ITGA9: variants seen among roughly 807,000 people sequenced by gnomAD.
ITGA9 encodes the protein integrin alpha-9.
A neutral mutation model predicts 127.8 loss-of-function variants in ITGA9; 56 were observed. The observed-to-expected ratio is 0.44, with a 90% confidence interval of 0.35 to 0.55. The LOEUF is 0.55. Among genes scored for constraint, ITGA9 ranks in the 20% least tolerant of loss-of-function variants. ITGA9 has a pLI of 0.00. For missense variants in ITGA9, 1,196 were observed against 1,347.1 expected (o/e 0.89, Z 1.76); for synonymous variants, 508 against 514.5 (o/e 0.99, Z 0.17).
chr3:37,729,415 C>T (rs1459919155), intron 18 of ITGA9, among the ~76,000 whole-genome samples: 1 of 152,112 alleles, frequency 6.6e-6, no homozygotes, highest in Non-Finnish European at 1.5e-5. Context: ...GGCCTGTCCT[C>T]ACCAAGATCC....
At chr3:37,558,288 T>C (rs1699450254) in intron 15 of ITGA9, among the ~76,000 whole-genome samples, 1 of 152,188 alleles carries the variant, frequency 6.6e-6, no homozygotes, top group South Asian at 2.1e-4. Flanking sequence ...GGTCCATGCC[T>C]TCAGCCCACC....
chr3:37,744,409 T>C (rs1292412158), intron 22 of ITGA9, among the ~76,000 whole-genome samples: 2 of 152,214 alleles, frequency 1.3e-5, no homozygotes, highest in Non-Finnish European at 2.9e-5. Flanking sequence ...ATTTGCTGTG[T>C]CCCTTCCTCC....
In ITGA9 at chr3:37,561,757, C is replaced by T. The variant is rs538939068; in HGVS notation, c.1689+19172C>T. Among the ~76,000 whole-genome samples the T allele has an allele frequency of 2.6e-5, 4 of 152,238 alleles. No homozygotes were observed. The South Asian group carries it at 6.2e-4, about 24-fold the overall frequency. Reference sequence around the variant, plus strand: ...GACCTTGTGCTGATCAAACTTTCCGCGTGGCTTTTTATGACACTGTAACAA... The same window carrying T: ...GACCTTGTGCTGATCAAACTTTCCGTGTGGCTTTTTATGACACTGTAACAA... On this transcript the variant is annotated intron_variant, in intron 15 of 27. Coordinates refer to ENST00000264741, the MANE Select transcript of ITGA9 (RefSeq NM_002207.3).
Position 37,510,688 on chromosome 3 carries a change from C to G in ITGA9, c.897+2061C>G, listed in dbSNP as rs144462257. 4.3e-3 allele frequency among the ~76,000 whole-genome samples: 660 copies of G among 152,302 alleles called. 7 individuals carry two copies. Among genetic ancestry groups the G allele is most frequent in the South Asian group, 0.011 (51 of 4,820 alleles). On this transcript the variant is annotated intron_variant, in intron 8 of 27. Coordinates refer to ENST00000264741, the MANE Select transcript of ITGA9 (RefSeq NM_002207.3). Reference sequence around the variant, plus strand: ...TGGATGTCCTTATCATACCAAGATACATCAGGTTCCCTGAGAAGGGACAGA... The same window carrying G: ...TGGATGTCCTTATCATACCAAGATAGATCAGGTTCCCTGAGAAGGGACAGA...
At chr3:37,589,872 G>A (rs1376307775) in intron 15 of ITGA9, among the ~76,000 whole-genome samples, 3 of 152,038 alleles carry the variant, frequency 2.0e-5, no homozygotes, top group Admixed American at 1.3e-4. Flanking sequence ...TGCAAAGTAC[G>A]GAGGGGACAA....
intron 23 of ITGA9, among the ~76,000 whole-genome samples, chr3:37,776,029 C>T (rs1478537916): frequency 1.3e-5 from 2 of 152,136 alleles, no homozygotes; most frequent in Non-Finnish European, 2.9e-5. Context: ...ATGCCCTTTG[C>T]AGGAACATGG....
chr3:37,555,531 AT>A (rs1288186022), intron 15 of ITGA9, among the ~76,000 whole-genome samples: 1 of 152,214 alleles, frequency 6.6e-6, no homozygotes, highest in African/African-American at 2.4e-5. Context: ...TTGAAGTTTG[AT>A]TTTTAAGAAG....
At chr3:37,756,152 A>AGG (rs554569494) in intron 23 of ITGA9, among the ~76,000 whole-genome samples, 189 of 128,852 alleles carry the variant, frequency 1.5e-3, no homozygotes, top group Non-Finnish European at 2.3e-3. Context: ...CCAGAATGTA[A>AGG]GGCATTCAAA....
intron 23 of ITGA9, among the ~76,000 whole-genome samples, chr3:37,759,335 A>G (rs1696695727): frequency 6.6e-6 from 1 of 152,120 alleles, no homozygotes; most frequent in African/African-American, 2.4e-5. Context: ...CACTGTATAT[A>G]TCATATATAT....
intron 23 of ITGA9, among the ~76,000 whole-genome samples, chr3:37,758,525 G>C (rs1228412998): frequency 6.6e-6 from 1 of 150,676 alleles, no homozygotes; most frequent in African/African-American, 2.5e-5. Context: ...CTTGATAAGG[G>C]TTTCTAAAAA....
intron 1 of ITGA9, among the ~76,000 whole-genome samples, chr3:37,454,543 C>A (rs1698236189): frequency 6.6e-6 from 1 of 152,082 alleles, no homozygotes; most frequent in East Asian, 1.9e-4. Context: ...CCATGGGAAC[C>A]CATGTGTCTG....
intron 22 of ITGA9, among the ~76,000 whole-genome samples, chr3:37,747,147 A>G (rs1696510793): frequency 6.6e-6 from 1 of 152,242 alleles, no homozygotes; most frequent in East Asian, 1.9e-4. Context: ...ATATGATTAC[A>G]TACCTTAAAG....
chr3:37,748,692 G>A (rs1306798273), intron 22 of ITGA9: 2 of 538,482 alleles, frequency 3.7e-6, no homozygotes, highest in Non-Finnish European at 6.6e-6. Flanking sequence ...AAGTTGCAGT[G>A]AGCCGAGGTT....
At chr3:37,766,462 G>A (rs1696781384) in intron 23 of ITGA9, among the ~76,000 whole-genome samples, 1 of 152,230 alleles carries the variant, frequency 6.6e-6, no homozygotes, top group African/African-American at 2.4e-5. Flanking sequence ...AGCAGTGGAA[G>A]AGGTTAGATA....
intron 4 of ITGA9, among the ~76,000 whole-genome samples, chr3:37,490,856 T>C (rs1339578246): frequency 2.0e-5 from 3 of 152,106 alleles, no homozygotes; most frequent in East Asian, 3.9e-4. Flanking sequence ...GCAGGCCAAG[T>C]AATTCAAACC....
intron 18 of ITGA9, among the ~76,000 whole-genome samples, chr3:37,709,408 A>G (rs1352151229): frequency 6.6e-6 from 1 of 152,204 alleles, no homozygotes; most frequent in African/African-American, 2.4e-5. Flanking sequence ...AAGTGTCCCA[A>G]GGCCAACCCT....
intron 1 of ITGA9, among the ~76,000 whole-genome samples, chr3:37,468,941 C>T (rs560503159): frequency 1.3e-5 from 2 of 152,362 alleles, no homozygotes; most frequent in East Asian, 1.9e-4. Flanking sequence ...TTTGAAGTCT[C>T]ATTGTCCAAG....
intron 15 of ITGA9, among the ~76,000 whole-genome samples, chr3:37,566,611 C>T (rs575880466): frequency 6.6e-6 from 1 of 152,308 alleles, no homozygotes; most frequent in Non-Finnish European, 1.5e-5. Context: ...GGGATAAGTG[C>T]TGGGGCTCCT....
intron 26 of ITGA9, chr3:37,790,636 T>G: frequency 4.6e-6 from 1 of 215,982 alleles, no homozygotes; most frequent in Non-Finnish European, 9.2e-6. Flanking sequence ...CTTGAGGCTT[T>G]GCCTGGTTCA....
Sources: gnomAD v4.1 joint callset for allele counts (sites outside exome capture counted in the v4.1 genomes callset) on GRCh38, gnomAD v4.1.1 for gene constraint, MANE v1.5 for transcripts, NCBI Gene and HGNC (gene_info 2026-07-23, HGNC 2026-07-21) for gene names.